Variants in CNTN3 observed in about 807,000 individuals in gnomAD.
The protein encoded by CNTN3 is contactin-3.
In CNTN3, 60 loss-of-function variants were observed where a neutral mutation model predicts 119.1. The ratio of observed to expected loss-of-function variants is 0.50; its 90% CI spans 0.41 to 0.62. The LOEUF is 0.62. CNTN3 is among the 20% of genes least tolerant of loss of function. The pLI, the probability that CNTN3 is intolerant of heterozygous loss-of-function variation, is 0.00. For missense variants in CNTN3, 1,101 were observed against 1,242.4 expected (o/e 0.89, Z 1.71); for synonymous variants, 450 against 438.7 (o/e 1.03, Z -0.32).
At chr3:74,457,022 TG>T (rs1702282361) in intron 4 of CNTN3, among the ~76,000 whole-genome samples, 1 of 152,096 alleles carries the variant, frequency 6.6e-6, no homozygotes, top group African/African-American at 2.4e-5. Flanking sequence ...TGCAACAGTC[TG>T]TTAATGGTCA....
At chr3:74,601,025 T>A (rs927826891) in intron 1 of CNTN3, among the ~76,000 whole-genome samples, 1 of 150,294 alleles carries the variant, frequency 6.7e-6, no homozygotes, top group African/African-American at 2.4e-5. Flanking sequence ...CTTACATATA[T>A]AAACATATGT....
At chr3:74,514,861 GA>G (rs1424785633) in intron 2 of CNTN3, among the ~76,000 whole-genome samples, 1 of 152,048 alleles carries the variant, frequency 6.6e-6, no homozygotes, top group Non-Finnish European at 1.5e-5. Flanking sequence ...CTATCTGTGG[GA>G]AAAGAGAAAA....
chr3:74,444,257 G>T (rs1267605117), intron 4 of CNTN3, among the ~76,000 whole-genome samples: 1 of 151,920 alleles, frequency 6.6e-6, no homozygotes, highest in Non-Finnish European at 1.5e-5. Context: ...GAGGCATTGG[G>T]GGAGGACTTC....
chr3:74,332,051 C>T (rs1006392609), intron 13 of CNTN3, among the ~76,000 whole-genome samples: 1 of 152,152 alleles, frequency 6.6e-6, no homozygotes, highest in Non-Finnish European at 1.5e-5. Context: ...CCTGAACTAC[C>T]CCTAACCTAT....
intron 1 of CNTN3, among the ~76,000 whole-genome samples, chr3:74,540,026 C>A (rs1703820632): frequency 6.6e-6 from 1 of 152,128 alleles, no homozygotes; most frequent in African/African-American, 2.4e-5. Context: ...AAGGTTACCA[C>A]TCCAGGGGAC....
chr3:74,476,038 T>A (rs1014870045), intron 4 of CNTN3, among the ~76,000 whole-genome samples: 8 of 152,310 alleles, frequency 5.3e-5, no homozygotes, highest in African/African-American at 1.7e-4. Flanking sequence ...AGTGTTTCCA[T>A]GTGAAAGAAG....
chr3:74,370,766 A>G (rs1028380056), intron 6 of CNTN3, among the ~76,000 whole-genome samples: 2 of 152,076 alleles, frequency 1.3e-5, no homozygotes, highest in Non-Finnish European at 2.9e-5. Flanking sequence ...TTTTTCTTTA[A>G]TGGTTTCTTT....
chr3:74,510,397 G>A (rs572241889), intron 2 of CNTN3, among the ~76,000 whole-genome samples: 90 of 152,018 alleles, frequency 5.9e-4, no homozygotes, highest in African/African-American at 2.1e-3. Flanking sequence ...TCTACACCCC[G>A]TGCACACCCT....
chr3:74,456,258 A>G (rs1263055580), intron 4 of CNTN3, among the ~76,000 whole-genome samples: 1 of 152,026 alleles, frequency 6.6e-6, no homozygotes, highest in Non-Finnish European at 1.5e-5. Flanking sequence ...AAAAGAAAAA[A>G]GCAATTTAAG....
intron 13 of CNTN3, among the ~76,000 whole-genome samples, chr3:74,320,506 C>T: frequency 1.3e-5 from 2 of 151,952 alleles, no homozygotes; most frequent in Non-Finnish European, 2.9e-5. Context: ...CATCACACTC[C>T]AGGGACTGTT....
At chr3:74,419,157 T>C (rs1366416659) in intron 5 of CNTN3, among the ~76,000 whole-genome samples, 3 of 152,200 alleles carry the variant, frequency 2.0e-5, no homozygotes, top group Non-Finnish European at 1.5e-5. Context: ...CAAGGAAAAC[T>C]GTGTGCCTAA....
Position 74,384,181 on chromosome 3 carries a change from A to G in CNTN3, c.455-12782T>C, listed in dbSNP as rs189322682. The stretch of plus-strand genomic sequence containing the variant: ...TTTTCAAAAAAGAAACAACTATAAT[A>G]GAAGTTATAAGAGCACTGTCCCCTG... On this transcript the variant is annotated intron_variant, in intron 5 of 22. Transcript: ENST00000263665. Among the ~76,000 whole-genome samples, 29 of 152,374 alleles carry G rather than the reference A, an allele frequency of 1.9e-4. No individual in the cohort carries two copies. In the East Asian group the frequency reaches 5.2e-3, roughly 27 times the overall value.
At chr3:74,473,898 G>T (rs759057539) in intron 4 of CNTN3, among the ~76,000 whole-genome samples, 2 of 152,192 alleles carry the variant, frequency 1.3e-5, no homozygotes, top group African/African-American at 2.4e-5. Flanking sequence ...CGGGAACCAG[G>T]ACAGAGCCCT....
chr3:74,299,778 A>G, intron 17 of CNTN3, 90 bp downstream of exon 17: 3 of 1,001,942 alleles, frequency 3.0e-6, no homozygotes, highest in Non-Finnish European at 3.0e-6. Flanking sequence ...TACCACCACC[A>G]CCTGCACCAT....
At chr3:74,380,012 C>T (rs1310947526) in intron 5 of CNTN3, among the ~76,000 whole-genome samples, 1 of 152,206 alleles carries the variant, frequency 6.6e-6, no homozygotes, top group Non-Finnish European at 1.5e-5. Context: ...CTGCAACCTC[C>T]AGCTTGTACC....
chr3:74,608,067 T>C (rs1044939224), intron 1 of CNTN3, among the ~76,000 whole-genome samples: 2 of 152,244 alleles, frequency 1.3e-5, no homozygotes, highest in Non-Finnish European at 2.9e-5. Context: ...CTTTGTACTA[T>C]GTTTTACAAC....
chr3:74,280,866 C>T (rs1476405640), intron 20 of CNTN3, among the ~76,000 whole-genome samples: 1 of 152,082 alleles, frequency 6.6e-6, no homozygotes, highest in Non-Finnish European at 1.5e-5. Context: ...TGAGGCTATG[C>T]ACAAGGATAA....
At position 74,391,819 on chromosome 3, in the gene CNTN3, G is replaced by A. The variant is rs112128494; in HGVS notation, c.455-20420C>T. On this transcript the variant is annotated intron_variant, in intron 5 of 22. Coordinates refer to ENST00000263665, the MANE Select transcript of CNTN3 (RefSeq NM_020872.3). ...ACTACGTTCGCGTGCCACCACGCCC[G>A]GCTAATTTTTTGTATTTTAGTAGAG... Among the ~76,000 whole-genome samples the A allele has an allele frequency of 1.3e-3, 198 of 152,022 alleles. No individual in the cohort carries two copies. The Middle Eastern group carries it at 0.014, about 11-fold the overall frequency.
In CNTN3 at chr3:74,369,329, A is replaced by G; in HGVS notation, c.806T>C (p.Phe269Ser). 6.2e-7 allele frequency: 1 copy of G among 1,608,656 alleles called. No individual in the cohort carries two copies. The highest frequency in any genetic ancestry group is 8.5e-7 in the Non-Finnish European group (1 of 1,177,482). ...CTTCCTTAATTTAATTTTGCTGGAA[A>G]ATGGCAGCCCATCACTTCTTCTCCA... ...INWRRSDGLP[F>S]SSKIKLRKFS... The change falls in exon 8 of 23, where the codon TTT becomes TCT. Residue 269 changes from phenylalanine to serine, a missense_variant. Transcript: ENST00000263665.
Sources: allele counts gnomAD v4.1 joint callset (sites outside exome capture counted in the v4.1 genomes callset), GRCh38; gene constraint gnomAD v4.1.1; transcripts MANE v1.5; gene names NCBI Gene and HGNC (gene_info 2026-07-23, HGNC 2026-07-21).